Variants in CACNG5 observed in about 807,000 individuals in gnomAD.
CACNG5 encodes the protein calcium voltage-gated channel auxiliary subunit gamma 5.
CACNG5 carries 18 observed loss-of-function variants against 24.8 expected under a neutral mutation model. That is an observed-to-expected ratio of 0.73 (90% CI 0.50 to 1.08). The LOEUF (loss-of-function observed/expected upper bound fraction) is 1.08, where lower values mean the gene tolerates loss of function less well. CACNG5 is among the 50% of genes least tolerant of loss of function. CACNG5 has a pLI of 0.00. For missense variants in CACNG5, 349 were observed against 367.9 expected (o/e 0.95, Z 0.42); for synonymous variants, 157 against 149.1 (o/e 1.05, Z -0.39).
chr17:66,869,391 G>A (rs1369111922), intron 1 of CACNG5, among the ~76,000 whole-genome samples: 1 of 152,102 alleles, frequency 6.6e-6, no homozygotes, highest in East Asian at 1.9e-4. Context: ...GCCAAGTTGT[G>A]CTACTTTCTG....
At chr17:66,857,421 T>A (rs1976797424) in intron 1 of CACNG5, among the ~76,000 whole-genome samples, 1 of 152,204 alleles carries the variant, frequency 6.6e-6, no homozygotes, top group Non-Finnish European at 1.5e-5. Flanking sequence ...CCACATGATG[T>A]AACTGAAAGT....
chr17:66,879,903 A>G (rs1007307098), intron 3 of CACNG5, among the ~76,000 whole-genome samples: 4 of 152,164 alleles, frequency 2.6e-5, no homozygotes, highest in African/African-American at 9.7e-5. Context: ...ACCTGGCTCA[A>G]AACCCCAATC....
chr17:66,843,336 G>T (rs758661), intron 1 of CACNG5, among the ~76,000 whole-genome samples: 21,864 of 151,858 alleles, frequency 0.14, 1,885 homozygotes, highest in East Asian at 0.38. Context: ...GAAGGCAAAG[G>T]GGGACAGGAC....
intron 1 of CACNG5, among the ~76,000 whole-genome samples, chr17:66,870,981 A>AC (rs71367191): frequency 9.5e-6 from 1 of 105,414 alleles, no homozygotes; most frequent in Non-Finnish European, 1.9e-5. Context: ...ACTCCATCTC[A>AC]AAAAAAAAAA....
chr17:66,857,065 GTTTTTTTT>G (rs56153121), intron 1 of CACNG5, among the ~76,000 whole-genome samples: 19 of 94,034 alleles, frequency 2.0e-4, no homozygotes, highest in Admixed American at 5.0e-4. Context: ...CAATTTTTAA[GTTTTTTTT>G]TTTTTTTTTT....
intron 1 of CACNG5, among the ~76,000 whole-genome samples, chr17:66,856,185 C>A (rs1334793135): frequency 6.6e-6 from 1 of 152,142 alleles, no homozygotes; most frequent in Non-Finnish European, 1.5e-5. Flanking sequence ...AGTAGCAATT[C>A]CCAGAAGTAG....
rs978754075 is a variant in CACNG5 at position 66,886,761 on chromosome 17, A to G, written c.*1521A>G. Among the ~76,000 whole-genome samples the G allele has an allele frequency of 2.0e-5, 3 of 152,154 alleles. No homozygotes were observed. The highest frequency in any genetic ancestry group is 7.2e-5 in the African/African-American group (3 of 41,430). The stretch of plus-strand genomic sequence containing the variant: ...GGCAGCCGGGCTGCCGCAATGAACT[A>G]CCACAGACTGAGTGGCTTAAATAAC... On this transcript the variant is annotated 3_prime_UTR_variant, in exon 6 of 6. Transcript: ENST00000533854.
chr17:66,845,297 G>C (rs924235401), intron 1 of CACNG5, among the ~76,000 whole-genome samples: 1 of 152,078 alleles, frequency 6.6e-6, no homozygotes, highest in South Asian at 2.1e-4. Context: ...TGTTAGGGGG[G>C]TGGTGGGCAA....
intron 1 of CACNG5, among the ~76,000 whole-genome samples, chr17:66,852,180 T>A (rs1446544620): frequency 6.6e-6 from 1 of 152,226 alleles, no homozygotes; most frequent in Admixed American, 6.5e-5. Context: ...CTTCGGACTC[T>A]GAGACTTGCA....
chr17:66,884,053 AC>A (rs1977206532), intron 4 of CACNG5, among the ~76,000 whole-genome samples: 2 of 151,066 alleles, frequency 1.3e-5, no homozygotes, highest in Admixed American at 1.3e-4. Context: ...AATCACTTGA[AC>A]CCGGGAGGCA....
At chr17:66,862,892 CTGTGTGTGTGTGTG>C (rs56308917) in intron 1 of CACNG5, among the ~76,000 whole-genome samples, 18 of 142,250 alleles carry the variant, frequency 1.3e-4, no homozygotes, top group South Asian at 7.1e-4. Flanking sequence ...AGCATATTCT[CTGTGTGTGTGTGTG>C]TGTGTGTGTG....
At chr17:66,877,893 A>C (rs1977106276) in intron 2 of CACNG5, among the ~76,000 whole-genome samples, 1 of 152,266 alleles carries the variant, frequency 6.6e-6, no homozygotes, top group Non-Finnish European at 1.5e-5. Flanking sequence ...TTCTCCCAAC[A>C]GTACTGCAAG....
At chr17:66,841,405 G>A (rs2144496920) in intron 1 of CACNG5, among the ~76,000 whole-genome samples, 1 of 152,294 alleles carries the variant, frequency 6.6e-6, no homozygotes, top group South Asian at 2.1e-4. Flanking sequence ...AGTGATTTGG[G>A]GCCCCCAAGA....
intron 4 of CACNG5, among the ~76,000 whole-genome samples, chr17:66,881,569 T>A (rs9910608): frequency 0.54 from 82,748 of 151,950 alleles, 23,854 homozygotes; most frequent in African/African-American, 0.75. Flanking sequence ...GATGATATCT[T>A]CCAGGCCTTA....
intron 2 of CACNG5, among the ~76,000 whole-genome samples, chr17:66,878,582 G>A (rs1342714838): frequency 6.6e-6 from 1 of 152,188 alleles, no homozygotes; most frequent in Non-Finnish European, 1.5e-5. Flanking sequence ...CAGGGCTTTT[G>A]GAGTTTTGCT....
In CACNG5 at chr17:66,891,572, G is replaced by A. The variant is rs7222943; in HGVS notation, c.*6332G>A. 6.6e-6 allele frequency among the ~76,000 whole-genome samples: 1 copy of A among 152,102 alleles called. No individual in the cohort carries two copies. The highest frequency in any genetic ancestry group is 1.5e-5 in the Non-Finnish European group (1 of 68,024). On this transcript the variant is annotated 3_prime_UTR_variant, in exon 6 of 6. Coordinates refer to ENST00000533854, the MANE Select transcript of CACNG5 (RefSeq NM_145811.3). ...GGTCTTCCTCATAGGGTGACAGCTT[G>A]GTTTTAAGAGTGAGGGTCCCAAGAG...
intron 1 of CACNG5, among the ~76,000 whole-genome samples, chr17:66,853,911 G>C (rs75055881): frequency 6.6e-6 from 1 of 151,568 alleles, no homozygotes; most frequent in African/African-American, 2.4e-5. Context: ...TTATGTCATC[G>C]AGTCCCTAAG....
intron 1 of CACNG5, among the ~76,000 whole-genome samples, chr17:66,871,255 TC>T (rs1977003454): frequency 6.6e-6 from 1 of 152,100 alleles, no homozygotes; most frequent in Non-Finnish European, 1.5e-5. Flanking sequence ...CTGGACAAGC[TC>T]CCAGGAGCAG....
At chr17:66,864,596 G>A (rs997377729) in intron 1 of CACNG5, among the ~76,000 whole-genome samples, 1 of 152,208 alleles carries the variant, frequency 6.6e-6, no homozygotes, top group Non-Finnish European at 1.5e-5. Flanking sequence ...ACATAAGCTA[G>A]TTCATTATCA....
Sources: gnomAD v4.1 joint callset for allele counts (sites outside exome capture counted in the v4.1 genomes callset) on GRCh38, gnomAD v4.1.1 for gene constraint, MANE v1.5 for transcripts, NCBI Gene and HGNC (gene_info 2026-07-23, HGNC 2026-07-21) for gene names.